The following IRS2 variants were observed in gnomAD, a reference collection of about 807,000 sequenced individuals.
IRS2 encodes the protein insulin receptor substrate 2.
In IRS2, 28 loss-of-function variants were observed where a neutral mutation model predicts 70.9. That is an observed-to-expected ratio of 0.39 (90% confidence interval 0.29 to 0.54). The LOEUF is 0.54. IRS2 is among the 20% of genes least tolerant of loss of function. The pLI, the probability that IRS2 is intolerant of heterozygous loss-of-function variation, is 0.59. For synonymous variants in IRS2, 1,217 were observed against 981.9 expected (o/e 1.24, Z -4.48); for missense variants, 2,081 against 2,024.1 (o/e 1.03, Z -0.54).
At position 109,759,492 on chromosome 13, in the gene IRS2, C is replaced by T. The variant is rs1292914836; in HGVS notation, c.4013-3184G>A. 2.0e-5 allele frequency among the ~76,000 whole-genome samples: 3 copies of T among 152,246 alleles called. No individual in the cohort carries two copies. The East Asian group carries it at 5.8e-4, about 29-fold the overall frequency. On this transcript the variant is annotated intron_variant, in intron 1 of 1. Transcript: ENST00000375856. ...GACCCAGATGACTAGGACCTGCCAG[C>T]CGCAGCAGAGGGATTGGGATACAAC... is the stretch of plus-strand genomic sequence containing the variant.
intron 1 of IRS2, among the ~76,000 whole-genome samples, chr13:109,762,195 G>A (rs1175706712): frequency 2.6e-5 from 4 of 152,176 alleles, no homozygotes; most frequent in African/African-American, 9.7e-5. Context: ...TGCATGAAGT[G>A]AGCTATTCGT....
intron 1 of IRS2, among the ~76,000 whole-genome samples, chr13:109,758,227 G>T (rs1480560650): frequency 6.6e-6 from 1 of 151,838 alleles, no homozygotes; most frequent in Non-Finnish European, 1.5e-5. Flanking sequence ...ACCCTAAAAT[G>T]AGCTTGCATT....
At position 109,784,781 on chromosome 13, in the gene IRS2, G is replaced by A. The variant is rs1198473750; in HGVS notation, c.1273C>T (p.Leu425=). ...KVALLPAGGA[L]QHSRSMSMPV... The stretch of plus-strand genomic sequence containing the variant: ...ATGGACATGGAGCGGCTGTGTTGCA[G>A]CGCGCCCCCTGCCGGCAGCAGCGCC... Residue 425 remains leucine (L), a synonymous_variant, in exon 1 of 2, where the codon CTG becomes TTG. Transcript: ENST00000375856. The surrounding 1 kb of genome is among the most constrained non-coding windows in gnomAD (Gnocchi z 5.2). 7.9e-7 allele frequency: 1 copy of A among 1,258,098 alleles called. No individual in the cohort carries two copies. The highest frequency in any genetic ancestry group is 1.0e-6 in the Non-Finnish European group (1 of 1,000,984). The allele number at this position is 1,258,098 out of a possible 1,614,324, so 77.9% of individuals were successfully genotyped here.
At position 109,785,133 on chromosome 13, in the gene IRS2, T is replaced by C. The variant is rs773650924; in HGVS notation, c.921A>G (p.Gln307=). ...LFEFRPRSKS[Q]SSGSSATHPI... Reference sequence around the variant, plus strand: ...GGTGCGTGGCCGACGACCCCGACGATTGGCTCTTACTGCGCGGCCGGAACT... The same window carrying C: ...GGTGCGTGGCCGACGACCCCGACGACTGGCTCTTACTGCGCGGCCGGAACT... Residue 307 remains glutamine (Q), a synonymous_variant, in exon 1 of 2, where the codon CAA becomes CAG. Transcript: ENST00000375856. The surrounding 1 kb of genome is among the most constrained non-coding windows in gnomAD (Gnocchi z 9.3). 1.3e-6 allele frequency: 2 copies of C among 1,596,404 alleles called. No individual in the cohort carries two copies. The highest frequency in any genetic ancestry group is 2.3e-5 in the East Asian group (1 of 43,982).
chr13:109,752,736 C>T lies in IRS2; in HGVS notation c.*3568G>A, dbSNP rs922229729. ...TTTTATTTGTTCAAAAGATAACACA[C>T]ACATTATTACATGACTATCATTTTA... On this transcript the variant is annotated 3_prime_UTR_variant, in exon 2 of 2. Transcript: ENST00000375856. 1 of 152,194 alleles carries T rather than the reference C, an allele frequency of 6.6e-6. No individual in the cohort carries two copies. The highest frequency in any genetic ancestry group is 1.9e-4 in the East Asian group (1 of 5,198). The allele number at this position is 152,194 out of a possible 1,614,324, so 9.4% of individuals were successfully genotyped here.
In IRS2 at chr13:109,785,192, G is replaced by A; in HGVS notation, c.862C>T (p.Leu288=). The part of the protein sequence containing the change: ...VVAQNIHETI[L]EAMKALKELF... ...TCCTTGAGCGCCTTCATGGCCTCCA[G>A]GATGGTCTCGTGGATGTTCTGCGCC... The change falls in exon 1 of 2, where the codon CTG becomes TTG. Residue 288 remains leucine, a synonymous_variant. Coordinates refer to ENST00000375856, the MANE Select transcript of IRS2 (RefSeq NM_003749.3). The surrounding 1 kb of genome is among the most constrained non-coding windows in gnomAD (Gnocchi z 9.3). 1 of 1,603,250 alleles carries A rather than the reference G, an allele frequency of 6.2e-7. No individual in the cohort carries two copies. The highest frequency in any genetic ancestry group is 1.1e-5 in the South Asian group (1 of 89,480).
At position 109,785,334 on chromosome 13, in the gene IRS2, C is replaced by T. The variant is rs2138938044; in HGVS notation, c.720G>A (p.Leu240=). 6.2e-7 allele frequency: 1 copy of T among 1,611,038 alleles called. No individual in the cohort carries two copies. The highest frequency in any genetic ancestry group is 8.5e-7 in the Non-Finnish European group (1 of 1,179,404). The change falls in exon 1 of 2, where the codon CTG becomes CTA. Residue 240 remains leucine, a synonymous_variant. Coordinates refer to ENST00000375856, the MANE Select transcript of IRS2 (RefSeq NM_003749.3). The surrounding 1 kb of genome is among the most constrained non-coding windows in gnomAD (Gnocchi z 9.3). ...KLNCEQPSVT[L]QLMNIRRCGH... is the part of the protein sequence containing the mutation. ...CGCAGCGGCGGATGTTCATGAGCTG[C>T]AGCGTCACCGACGGCTGCTCGCAGT...
In IRS2 at chr13:109,783,030, G is replaced by C; in HGVS notation, c.3024C>G (p.Pro1008=). 7.3e-7 allele frequency: 1 copy of C among 1,364,238 alleles called. No individual in the cohort carries two copies. The highest frequency in any genetic ancestry group is 9.4e-7 in the Non-Finnish European group (1 of 1,063,712). The allele number at this position is 1,364,238 out of a possible 1,614,324, so 84.5% of individuals were successfully genotyped here. The part of the protein sequence containing the change: ...PVGSLDGLLS[P]EASSPYPPLP... ...ACGGCGGATACGGGGAGGAGGCCTC[G>C]GGGGACAGGAGGCCGTCCAAGGAGC... Residue 1008 remains proline (P), a synonymous_variant, in exon 1 of 2, where the codon CCC becomes CCG. Transcript: ENST00000375856.
At chr13:109,761,091 C>T (rs975127469) in intron 1 of IRS2, among the ~76,000 whole-genome samples, 1 of 152,192 alleles carries the variant, frequency 6.6e-6, no homozygotes, top group African/African-American at 2.4e-5. Context: ...TTTCGATGTT[C>T]AAAATCCAGG....
At position 109,783,393 on chromosome 13, in the gene IRS2, C is replaced by G; in HGVS notation, c.2661G>C (p.Ala887=). Residue 887 remains alanine (A), a synonymous_variant, in exon 1 of 2, where the codon GCG becomes GCC. Coordinates refer to ENST00000375856, the MANE Select transcript of IRS2 (RefSeq NM_003749.3). The part of the protein sequence containing the change: ...PEGFLGQRGR[A]VRPTRLSLEG... ...CCAGGGACAGGCGCGTGGGCCTCAC[C>G]GCCCGGCCGCGCTGGCCCAAGAAGC... 1 of 1,480,634 alleles carries G rather than the reference C, an allele frequency of 6.8e-7. No homozygotes were observed. The highest frequency in any genetic ancestry group is 8.9e-7 in the Non-Finnish European group (1 of 1,126,332). The allele number at this position is 1,480,634 out of a possible 1,614,324, so 91.7% of individuals were successfully genotyped here. A position where few individuals can be genotyped will look rare whatever the true frequency, so the allele number is the denominator to read the frequency against.
intron 1 of IRS2, among the ~76,000 whole-genome samples, chr13:109,773,662 CACATAGTCATGA>C (rs1259123764): frequency 1.1e-4 from 17 of 152,316 alleles, no homozygotes; most frequent in Admixed American, 1.1e-3. Context: ...AGACACCGTC[CACATAGTCATGA>C]ACAGCCATAT....
At chr13:109,757,076 C>G (rs972370822) in intron 1 of IRS2, among the ~76,000 whole-genome samples, 1 of 152,206 alleles carries the variant, frequency 6.6e-6, no homozygotes, top group Admixed American at 6.5e-5. Flanking sequence ...ATTGCTTCCT[C>G]CCTTCCAGGA....
intron 1 of IRS2, among the ~76,000 whole-genome samples, chr13:109,777,232 C>T (rs916073338): frequency 2.6e-5 from 4 of 152,042 alleles, no homozygotes; most frequent in African/African-American, 7.2e-5. Context: ...AATGGGAACA[C>T]TTGATTCTGT....
rs1355311931 is a variant in IRS2 at position 109,754,977 on chromosome 13, T to C, written c.*1327A>G. ...AGGTCGACAGCCCTCCAATCAAGTG[T>C]CGAGGGAGCAGAAAACGGCAGAACA... On this transcript the variant is annotated 3_prime_UTR_variant, in exon 2 of 2. Transcript: ENST00000375856. 4.4e-6 allele frequency: 1 copy of C among 225,938 alleles called. No homozygotes were observed. The highest frequency in any genetic ancestry group is 8.8e-6 in the Non-Finnish European group (1 of 113,692). The allele number at this position is 225,938 out of a possible 1,614,324, so 14.0% of individuals were successfully genotyped here. A position where few individuals can be genotyped will look rare whatever the true frequency, so the allele number is the denominator to read the frequency against.
At chr13:109,769,225 C>A (rs1877399769) in intron 1 of IRS2, among the ~76,000 whole-genome samples, 1 of 152,312 alleles carries the variant, frequency 6.6e-6, no homozygotes, top group Middle Eastern at 3.4e-3. Context: ...GGGATACCAC[C>A]ACCATGATGA....
Position 109,786,117 on chromosome 13 carries a change from G to A in IRS2, c.-64C>T. ...CAGGGGTTGGGGCGAGGGGCGGAGGGGGCGCGGGCGGGGGCGGCTCCCTCC... is the reference window on the plus strand; with the variant it reads ...CAGGGGTTGGGGCGAGGGGCGGAGGAGGCGCGGGCGGGGGCGGCTCCCTCC... On this transcript the variant is annotated 5_prime_UTR_variant, in exon 1 of 2. Coordinates refer to ENST00000375856, the MANE Select transcript of IRS2 (RefSeq NM_003749.3). This position sits in a 1 kb window ranked among gnomAD's most constrained non-coding sequence, Gnocchi z 4.4. 2 of 920,122 alleles carry A rather than the reference G, an allele frequency of 2.2e-6. No homozygotes were observed. The highest frequency in any genetic ancestry group is 2.6e-6 in the Non-Finnish European group (2 of 772,566). 57.0% of individuals were successfully genotyped at this position (920,122 alleles called of 1,614,324 possible).
intron 1 of IRS2, among the ~76,000 whole-genome samples, chr13:109,757,405 T>C (rs1229553583): frequency 6.6e-6 from 1 of 152,224 alleles, no homozygotes; most frequent in Non-Finnish European, 1.5e-5. Context: ...CCTCTTATCA[T>C]ACTCCCTGAC....
At position 109,757,973 on chromosome 13, in the gene IRS2, C is replaced by T. The variant is rs1289526452; in HGVS notation, c.4013-1665G>A. Among the ~76,000 whole-genome samples the T allele has an allele frequency of 3.9e-5, 6 of 152,284 alleles. 1 individual carries two copies. Among genetic ancestry groups the T allele is most frequent in the East Asian group, 3.9e-4 (2 of 5,184 alleles). Reference sequence around the variant, plus strand: ...CTGGGATTACAGGCGTGGGCCACTGCGGCCGGCCTATCTTGTTATTTTTAA... The same window carrying T: ...CTGGGATTACAGGCGTGGGCCACTGTGGCCGGCCTATCTTGTTATTTTTAA... On this transcript the variant is annotated intron_variant, in intron 1 of 1. Coordinates refer to ENST00000375856, the MANE Select transcript of IRS2 (RefSeq NM_003749.3).
In IRS2 at chr13:109,783,750, G is replaced by A. The variant is rs1223957875; in HGVS notation, c.2304C>T (p.Asn768=). Residue 768 remains asparagine, a synonymous_variant, in exon 1 of 2, where the codon AAC becomes AAT. Transcript: ENST00000375856. ...GKLLPNGDYL[N]VSPSDAVTTG... Reference sequence around the variant, plus strand: ...TGGTGACCGCGTCGCTGGGGGACACGTTGAGGTAGTCCCCGTTGGGCAGCA... The same window carrying A: ...TGGTGACCGCGTCGCTGGGGGACACATTGAGGTAGTCCCCGTTGGGCAGCA... 3.8e-6 allele frequency: 6 copies of A among 1,590,808 alleles called. No homozygotes were observed. In the Admixed American group the frequency reaches 5.2e-5, roughly 14 times the overall value.
Sources: allele counts gnomAD v4.1 joint callset (sites outside exome capture counted in the v4.1 genomes callset), GRCh38; gene constraint gnomAD v4.1.1; non-coding constraint Gnocchi (gnomAD v3.1); transcripts MANE v1.5; gene names NCBI Gene and HGNC (gene_info 2026-07-23, HGNC 2026-07-21).